The following ATE1 variants were observed in gnomAD, a reference collection of about 807,000 sequenced individuals.
The protein encoded by ATE1 is arginyl-tRNA--protein transferase 1.
In ATE1, 36 loss-of-function variants were observed where a neutral mutation model predicts 70.5. The observed-to-expected ratio is 0.51, with a 90% CI of 0.39 to 0.67. The LOEUF is 0.67. Ranked by LOEUF, ATE1 falls within the 30% of genes least tolerant of loss-of-function variation. The pLI is 0.00. For synonymous variants in ATE1, 232 were observed against 219.3 expected, an observed-to-expected ratio of 1.06 and a Z score of -0.51; for missense variants, 593 against 629.5, an observed-to-expected ratio of 0.94 and a Z score of 0.62.
chr10:121,826,732 C>T (rs1948034158), intron 10 of ATE1, among the ~76,000 whole-genome samples: 1 of 152,200 alleles, frequency 6.6e-6, no homozygotes, highest in African/African-American at 2.4e-5. Context: ...GTGCGCACAG[C>T]ACCCAACAGG....
chr10:121,772,263 T>C (rs1564824737), intron 11 of ATE1, among the ~76,000 whole-genome samples: 1 of 152,238 alleles, frequency 6.6e-6, no homozygotes, highest in Non-Finnish European at 1.5e-5. Flanking sequence ...CTACCCGCTT[T>C]TATCAACTTT....
chr10:121,847,842 C>T (rs559941494), intron 8 of ATE1, among the ~76,000 whole-genome samples: 91 of 148,912 alleles, frequency 6.1e-4, no homozygotes, highest in South Asian at 2.6e-3. Flanking sequence ...GAGGACGAGG[C>T]GGGCAGATCA....
In ATE1 at chr10:121,742,920, A is replaced by C. The variant is rs1382970101; in HGVS notation, c.*760T>G. The C allele has an allele frequency of 6.6e-6, 1 of 152,256 alleles. No individual in the cohort carries two copies. Among genetic ancestry groups the C allele is most frequent in the Non-Finnish European group, 1.5e-5 (1 of 68,050 alleles). 9.4% of individuals were successfully genotyped at this position (152,256 alleles called of 1,614,324 possible). On this transcript the variant is annotated 3_prime_UTR_variant, in exon 12 of 12. Transcript: ENST00000224652. ...AGGAACCAACATTTTTCTTTAAAAA[A>C]ATTCAATTTCTTACATTTTTAGAAG...
chr10:121,781,928 C>T (rs1946008812), intron 11 of ATE1, among the ~76,000 whole-genome samples: 2 of 152,142 alleles, frequency 1.3e-5, no homozygotes, highest in South Asian at 4.1e-4. Flanking sequence ...ATCCCAGGTT[C>T]CATATTTATA....
chr10:121,921,937 G>C (rs1226831916), intron 3 of ATE1, among the ~76,000 whole-genome samples: 1 of 152,156 alleles, frequency 6.6e-6, no homozygotes, highest in Non-Finnish European at 1.5e-5. Flanking sequence ...AACCTACCAA[G>C]TAATTTATAG....
rs193123141 is a variant in ATE1, at chr10:121,856,744, T to C, written c.975+13262A>G. 4.5e-3 allele frequency among the ~76,000 whole-genome samples: 687 copies of C among 152,196 alleles called. 9 individuals carry two copies. Among genetic ancestry groups the C allele is most frequent in the Non-Finnish European group, 3.7e-3 (253 of 68,008 alleles). ...AAAATATTTCAGTGCCAAAAAATGGTGCTGGAAAAATGACACCAAAAGACT... is the reference window on the plus strand; with the variant it reads ...AAAATATTTCAGTGCCAAAAAATGGCGCTGGAAAAATGACACCAAAAGACT... On this transcript the variant is annotated intron_variant, in intron 8 of 11. Transcript: ENST00000224652.
In ATE1 at chr10:121,783,535, T is replaced by C. The variant is rs1462704591; in HGVS notation, c.1378+6634A>G. Among the ~76,000 whole-genome samples the C allele has an allele frequency of 5.4e-3, 3 of 558 alleles. No individual in the cohort carries two copies. In the East Asian group the frequency reaches 0.38, roughly 70 times the overall value. The allele number at this position is 558 out of a possible 152,430, so 0.4% of individuals were successfully genotyped here. On this transcript the variant is annotated intron_variant, in intron 11 of 11. Coordinates refer to ENST00000224652, the MANE Select transcript of ATE1 (RefSeq NM_001001976.3). ...GAGTCATAGTCTAACTGGCAGCACTTTTTTTTTTTAATGGTACGTAAAATA... is the reference window on the plus strand; with the variant it reads ...GAGTCATAGTCTAACTGGCAGCACTCTTTTTTTTTAATGGTACGTAAAATA...
At chr10:121,778,474 A>G (rs10886981) in intron 11 of ATE1, among the ~76,000 whole-genome samples, 147,106 of 152,186 alleles carry the variant, frequency 0.97, 71,267 homozygotes, top group East Asian at 1. Context: ...CATTAGAACC[A>G]TTTGGTAAAT....
chr10:121,828,777 T>C (rs1948122322), intron 10 of ATE1, among the ~76,000 whole-genome samples: 1 of 152,078 alleles, frequency 6.6e-6, no homozygotes, highest in African/African-American at 2.4e-5. Context: ...GACAGACACA[T>C]CATTTCAGCA....
At chr10:121,907,202 C>G (rs1385106902) in intron 5 of ATE1, among the ~76,000 whole-genome samples, 1 of 152,076 alleles carries the variant, frequency 6.6e-6, no homozygotes, top group Admixed American at 6.6e-5. Flanking sequence ...TGCCTGTAAT[C>G]CCAGCACTTT....
intron 2 of ATE1, among the ~76,000 whole-genome samples, chr10:121,922,811 C>G (rs959430840): frequency 1.3e-5 from 2 of 152,062 alleles, no homozygotes; most frequent in African/African-American, 4.8e-5. Flanking sequence ...CACGGAGTAC[C>G]CCAAAACTAA....
At chr10:121,874,323 T>A (rs1206889356) in intron 7 of ATE1, among the ~76,000 whole-genome samples, 2 of 152,212 alleles carry the variant, frequency 1.3e-5, no homozygotes, top group African/African-American at 4.8e-5. Flanking sequence ...CAAACTAGGT[T>A]TTATGTAAAG....
chr10:121,885,253 T>C (rs1227575295), intron 7 of ATE1, among the ~76,000 whole-genome samples: 2 of 76,150 alleles, frequency 2.6e-5, no homozygotes, highest in Non-Finnish European at 2.2e-5. Flanking sequence ...AGAGCGAGAC[T>C]CCGTCTCAAA....
chr10:121,895,065 G>GA (rs950379459), intron 7 of ATE1, among the ~76,000 whole-genome samples: 2 of 151,986 alleles, frequency 1.3e-5, no homozygotes, highest in African/African-American at 4.8e-5. Flanking sequence ...TCAATTTTAA[G>GA]AAAAAAGAGA....
At chr10:121,786,338 AC>A (rs1203251085) in intron 11 of ATE1, among the ~76,000 whole-genome samples, 1 of 151,828 alleles carries the variant, frequency 6.6e-6, no homozygotes, top group East Asian at 1.9e-4. Context: ...TAAACCAATT[AC>A]AAAATATTAC....
At chr10:121,837,894 C>T (rs943369574) in intron 9 of ATE1, among the ~76,000 whole-genome samples, 2 of 152,130 alleles carry the variant, frequency 1.3e-5, no homozygotes, top group Non-Finnish European at 2.9e-5. Context: ...GGGTACCAAT[C>T]CACTTGGTCC....
chr10:121,897,384 C>T (rs1185493692), intron 7 of ATE1, among the ~76,000 whole-genome samples: 1 of 152,136 alleles, frequency 6.6e-6, no homozygotes, highest in African/African-American at 2.4e-5. Context: ...AAAAGACCCC[C>T]TGAGAATATC....
chr10:121,808,682 T>C (rs925240406), intron 10 of ATE1, among the ~76,000 whole-genome samples: 1 of 152,198 alleles, frequency 6.6e-6, no homozygotes, highest in Non-Finnish European at 1.5e-5. Flanking sequence ...TGAACAGGGC[T>C]AACAGTGGTG....
chr10:121,747,262 G>A (rs1392908571), intron 11 of ATE1, among the ~76,000 whole-genome samples: 2 of 152,198 alleles, frequency 1.3e-5, no homozygotes, highest in Non-Finnish European at 2.9e-5. Flanking sequence ...GTCAAGAGAA[G>A]GAACTTCTCA....
Sources: gnomAD v4.1 joint callset for allele counts (sites outside exome capture counted in the v4.1 genomes callset) on GRCh38, gnomAD v4.1.1 for gene constraint, MANE v1.5 for transcripts, NCBI Gene and HGNC (gene_info 2026-07-23, HGNC 2026-07-21) for gene names.